Variants in TRAF5 observed in about 807,000 individuals in gnomAD.
TRAF5 encodes TNF receptor-associated factor 5.
In TRAF5, 48 loss-of-function variants were observed where a neutral mutation model predicts 64.5. That is an observed-to-expected ratio of 0.74 (90% CI 0.59 to 0.95). The LOEUF (loss-of-function observed/expected upper bound fraction) is 0.95, where lower values mean the gene tolerates loss of function less well. TRAF5 is among the 40% of genes least tolerant of loss of function. The pLI, the probability that TRAF5 is intolerant of heterozygous loss-of-function variation, is 0.00. For missense variants in TRAF5, 545 were observed against 662.8 expected (o/e 0.82, Z 1.95); for synonymous variants, 206 against 240.5 (o/e 0.86, Z 1.33).
chr1:211,369,717 C>G (rs1181117215), intron 9 of TRAF5, 125 bp downstream of exon 9: 1 of 1,107,886 alleles, frequency 9.0e-7, no homozygotes, highest in Admixed American at 2.9e-5. Context: ...TAAGATGGTG[C>G]AAAGAACACT....
intron 3 of TRAF5, among the ~76,000 whole-genome samples, chr1:211,355,490 A>G (rs1340580669): frequency 1.3e-5 from 2 of 152,134 alleles, no homozygotes; most frequent in African/African-American, 2.4e-5. Flanking sequence ...AGGATGTTCA[A>G]GCAGAAGCTT....
intron 1 of TRAF5, among the ~76,000 whole-genome samples, chr1:211,334,010 C>T (rs1008537181): frequency 6.6e-6 from 1 of 152,204 alleles, no homozygotes; most frequent in South Asian, 2.1e-4. Context: ...GGAGAACTTA[C>T]AGGATTCAGC....
In TRAF5 at chr1:211,372,754, G is replaced by C. The variant is rs775395971; in HGVS notation, c.*52G>C. The C allele has an allele frequency of 3.5e-5, 52 of 1,475,402 alleles. No homozygotes were observed. Among genetic ancestry groups the C allele is most frequent in the Non-Finnish European group, 2.8e-6 (3 of 1,071,392 alleles). The allele number at this position is 1,475,402 out of a possible 1,614,324, so 91.4% of individuals were successfully genotyped here. On this transcript the variant is annotated 3_prime_UTR_variant, in exon 11 of 11. Transcript: ENST00000261464. ...TTCTTGGGGCCAGAACTGTGGAGGA[G>C]AGCACATTTGATTATCATATTGACC...
At chr1:211,343,347 C>G (rs1702499085) in intron 1 of TRAF5, among the ~76,000 whole-genome samples, 1 of 152,104 alleles carries the variant, frequency 6.6e-6, no homozygotes, top group African/African-American at 2.4e-5. Context: ...GCTCTTCATC[C>G]CCTGAGGGCC....
rs568858792 is a variant in TRAF5 at position 211,364,851 on chromosome 1, G to C, written c.697-525G>C. Among the ~76,000 whole-genome samples, 4 of 152,166 alleles carry C rather than the reference G, an allele frequency of 2.6e-5. No individual in the cohort carries two copies. The South Asian group carries it at 8.3e-4, about 32-fold the overall frequency. On this transcript the variant is annotated intron_variant, in intron 7 of 10. Transcript: ENST00000261464. ...GCACTGAGAATTTTGATATTGGCCT[G>C]ATTCTCTGTCTCATGGATATTGTAG...
At chr1:211,361,284 T>A in intron 7 of TRAF5, 122 bp downstream of exon 7, 1 of 832,822 alleles carries the variant, frequency 1.2e-6, no homozygotes, top group Non-Finnish European at 1.9e-6. Context: ...AATTTAAGGC[T>A]AATTATTTTA....
chr1:211,334,051 ATTCAT>A (rs1702229429), intron 1 of TRAF5, among the ~76,000 whole-genome samples: 1 of 152,212 alleles, frequency 6.6e-6, no homozygotes, highest in Non-Finnish European at 1.5e-5. Flanking sequence ...CACAGCTATG[ATTCAT>A]TTCAGCAAAA....
intron 1 of TRAF5, among the ~76,000 whole-genome samples, chr1:211,346,026 C>T (rs894290387): frequency 6.6e-6 from 1 of 152,218 alleles, no homozygotes. Context: ...TGGCATGTTC[C>T]CTTAATTCCA....
chr1:211,361,026 T>G (rs967615617), intron 6 of TRAF5, 62 bp from the exon 7 acceptor site: 5 of 1,546,774 alleles, frequency 3.2e-6, no homozygotes, highest in Middle Eastern at 1.7e-4. Context: ...CTTGGCTCCC[T>G]GATTGCTGCA....
intron 1 of TRAF5, among the ~76,000 whole-genome samples, chr1:211,335,764 G>A (rs1295192529): frequency 6.6e-6 from 1 of 152,188 alleles, no homozygotes; most frequent in Non-Finnish European, 1.5e-5. Flanking sequence ...GCCTTAGGGT[G>A]AAGGCTGTAA....
chr1:211,351,933 T>C (rs1702798397), intron 1 of TRAF5, among the ~76,000 whole-genome samples: 1 of 152,172 alleles, frequency 6.6e-6, no homozygotes. Flanking sequence ...TTCAATATTG[T>C]GTTGCTGTGT....
At chr1:211,339,164 G>A (rs541701021) in intron 1 of TRAF5, among the ~76,000 whole-genome samples, 35 of 152,338 alleles carry the variant, frequency 2.3e-4, no homozygotes, top group African/African-American at 8.4e-4. Flanking sequence ...ACAACTTGAG[G>A]CCTCGGACTG....
At chr1:211,351,241 T>C (rs1040473750) in intron 1 of TRAF5, among the ~76,000 whole-genome samples, 1 of 151,938 alleles carries the variant, frequency 6.6e-6, no homozygotes, top group Non-Finnish European at 1.5e-5. Context: ...TTAGCCAGGA[T>C]GGTCTCTATC....
chr1:211,363,907 T>C (rs549267811), intron 7 of TRAF5, among the ~76,000 whole-genome samples: 157 of 83,286 alleles, frequency 1.9e-3, no homozygotes, highest in Non-Finnish European at 3.2e-3. Flanking sequence ...TGAGACCCTG[T>C]CTCAAAAAAA....
At position 211,353,259 on chromosome 1, in the gene TRAF5, A is replaced by G. The variant is rs575771808; in HGVS notation, c.20A>G (p.His7Arg). 274 of 1,614,146 alleles carry G rather than the reference A, an allele frequency of 1.7e-4. No individual in the cohort carries two copies. Among genetic ancestry groups the G allele is most frequent in the Non-Finnish European group, 2.2e-4 (263 of 1,180,052 alleles). Residue 7 changes from histidine to arginine, a missense_variant, in exon 2 of 11, where the codon CAT becomes CGT. By Grantham distance (29) the His-to-Arg change is conservative. Coordinates refer to ENST00000261464, the MANE Select transcript of TRAF5 (RefSeq NM_001033910.3). MAYSEE[H>R]KGMPCGFIRQ... ...TGCAGAATGGCTTATTCAGAAGAGCATAAAGGTATGCCCTGTGGTTTCATC... is the reference window on the plus strand; with the variant it reads ...TGCAGAATGGCTTATTCAGAAGAGCGTAAAGGTATGCCCTGTGGTTTCATC...
intron 3 of TRAF5, among the ~76,000 whole-genome samples, chr1:211,355,243 CA>C (rs1702923121): frequency 6.6e-6 from 1 of 151,784 alleles, no homozygotes; most frequent in Non-Finnish European, 1.5e-5. Context: ...CTAAGATTTG[CA>C]AATATTTTTC....
intron 1 of TRAF5, among the ~76,000 whole-genome samples, chr1:211,328,794 A>G (rs540537451): frequency 6.6e-6 from 1 of 152,304 alleles, no homozygotes; most frequent in East Asian, 1.9e-4. Context: ...TTTGCAAAGC[A>G]TTTTCTCTTT....
At chr1:211,359,775 A>AC (rs1324113530) in intron 4 of TRAF5, 137 bp from the exon 5 acceptor site, 1 of 917,734 alleles carries the variant, frequency 1.1e-6, no homozygotes, top group Non-Finnish European at 1.6e-6. Context: ...CTGAGAGCCT[A>AC]CCCTCTGCCT....
At chr1:211,348,305 A>G (rs979121891) in intron 1 of TRAF5, among the ~76,000 whole-genome samples, 1 of 152,192 alleles carries the variant, frequency 6.6e-6, no homozygotes, top group Admixed American at 6.5e-5. Flanking sequence ...TATTTGTATT[A>G]ACATATAATT....
Sources: gnomAD v4.1 joint callset for allele counts (sites outside exome capture counted in the v4.1 genomes callset) on GRCh38, gnomAD v4.1.1 for gene constraint, MANE v1.5 for transcripts, NCBI Gene and HGNC (gene_info 2026-07-23, HGNC 2026-07-21) for gene names.